NWD2: variants seen among roughly 807,000 people sequenced by gnomAD.
NWD2 encodes the protein NACHT and WD repeat domain-containing protein 2.
Under a neutral mutation model 132.7 loss-of-function variants are expected in NWD2, and 37 were observed. The observed-to-expected ratio is 0.28, with a 90% CI of 0.21 to 0.37. The LOEUF (loss-of-function observed/expected upper bound fraction) is 0.37. Among genes scored for constraint, NWD2 ranks in the 10% least tolerant of loss-of-function variants. The pLI, the probability that NWD2 is intolerant of heterozygous loss-of-function variation, is 1.00. For missense variants in NWD2, 1,592 were observed against 2,122.4 expected (o/e 0.75, Z 4.91); for synonymous variants, 705 against 803.0 (o/e 0.88, Z 2.06).
At chr4:37,324,825 T>C (rs2109287299) in intron 1 of NWD2, among the ~76,000 whole-genome samples, 1 of 152,332 alleles carries the variant, frequency 6.6e-6, no homozygotes, top group East Asian at 1.9e-4. Context: ...CTTCTCAAAA[T>C]AGGCTTGAGA....
At chr4:37,282,452 T>C (rs1240490087) in intron 1 of NWD2, among the ~76,000 whole-genome samples, 1 of 152,144 alleles carries the variant, frequency 6.6e-6, no homozygotes, top group African/African-American at 2.4e-5. Flanking sequence ...GCACAGTAAA[T>C]AGAGTTTGTA....
At chr4:37,267,199 T>C (rs1717771704) in intron 1 of NWD2, among the ~76,000 whole-genome samples, 2 of 152,080 alleles carry the variant, frequency 1.3e-5, no homozygotes, top group Non-Finnish European at 2.9e-5. Flanking sequence ...ATATTTAATG[T>C]TCATGCTAAT....
rs1317588085 is a variant in NWD2, at chr4:37,439,021, T to A, written c.927T>A (p.Ile309=). ...TCAGGGATGAATTTATTCCTACTATTGTTGCATCATCTAATCTGAGAGTGT... is the reference window on the plus strand; with the variant it reads ...TCAGGGATGAATTTATTCCTACTATAGTTGCATCATCTAATCTGAGAGTGT... ...IKLRDEFIPT[I]VASSNLRVYT... The change falls in exon 6 of 7, where the codon ATT becomes ATA. Residue 309 remains isoleucine (I), a synonymous_variant. Coordinates refer to ENST00000309447, the MANE Select transcript of NWD2 (RefSeq NM_001144990.2). The surrounding 1 kb of genome is among the most constrained non-coding windows in gnomAD (Gnocchi z 4.5). 1 of 1,551,822 alleles carries A rather than the reference T, an allele frequency of 6.4e-7. No homozygotes were observed. The highest frequency in any genetic ancestry group is 8.7e-7 in the Non-Finnish European group (1 of 1,147,012).
chr4:37,336,806 G>A (rs1719414696), intron 2 of NWD2, among the ~76,000 whole-genome samples: 1 of 151,944 alleles, frequency 6.6e-6, no homozygotes, highest in South Asian at 2.1e-4. Flanking sequence ...AGGCGTGCTG[G>A]TGGGCGCCTG....
chr4:37,297,905 T>G (rs572020390), intron 1 of NWD2, among the ~76,000 whole-genome samples: 55 of 152,032 alleles, frequency 3.6e-4, no homozygotes, highest in Non-Finnish European at 6.2e-4. Context: ...CTGAGAGGGT[T>G]TTTTCCAAGA....
At chr4:37,347,866 G>A (rs1178723749) in intron 2 of NWD2, among the ~76,000 whole-genome samples, 1 of 152,214 alleles carries the variant, frequency 6.6e-6, no homozygotes. Context: ...AAAGAATCGA[G>A]ACGAGATTAT....
At chr4:37,397,607 C>T (rs1577690256) in intron 3 of NWD2, among the ~76,000 whole-genome samples, 1 of 152,148 alleles carries the variant, frequency 6.6e-6, no homozygotes, top group Admixed American at 6.5e-5. Flanking sequence ...TAAAGTAGCT[C>T]GTTCTGGAGT....
chr4:37,311,919 G>T (rs1022781518), intron 1 of NWD2, among the ~76,000 whole-genome samples: 20 of 151,536 alleles, frequency 1.3e-4, no homozygotes, highest in Non-Finnish European at 2.5e-4. Context: ...TGTCAGGTTT[G>T]TCAAAGATCA....
intron 3 of NWD2, among the ~76,000 whole-genome samples, chr4:37,367,321 C>T (rs552817104): frequency 6.6e-6 from 1 of 151,998 alleles, no homozygotes. Flanking sequence ...GTGGATTCAG[C>T]TAATGATACA....
chr4:37,332,869 G>A (rs1719322652), intron 2 of NWD2, among the ~76,000 whole-genome samples: 1 of 152,134 alleles, frequency 6.6e-6, no homozygotes, highest in Non-Finnish European at 1.5e-5. Flanking sequence ...TGCCCTGAAG[G>A]GAGAGTCTCA....
At chr4:37,430,028 T>A (rs1712127401) in intron 3 of NWD2, among the ~76,000 whole-genome samples, 1 of 152,066 alleles carries the variant, frequency 6.6e-6, no homozygotes, top group African/African-American at 2.4e-5. Flanking sequence ...TTTTGCCAAT[T>A]TAATAGAGAG....
At chr4:37,377,633 C>G (rs879454140) in intron 3 of NWD2, among the ~76,000 whole-genome samples, 2 of 152,118 alleles carry the variant, frequency 1.3e-5, no homozygotes, top group Non-Finnish European at 2.9e-5. Flanking sequence ...ACTCAGGAGG[C>G]TGAGGCAGAA....
At chr4:37,284,324 C>T (rs1330146057) in intron 1 of NWD2, among the ~76,000 whole-genome samples, 1 of 152,212 alleles carries the variant, frequency 6.6e-6, no homozygotes. Flanking sequence ...AATTACTTCC[C>T]AAAAGCCTCT....
chr4:37,262,781 T>C (rs1482008790), intron 1 of NWD2, among the ~76,000 whole-genome samples: 1 of 152,154 alleles, frequency 6.6e-6, no homozygotes, highest in African/African-American at 2.4e-5. Flanking sequence ...TTTCTGTTCA[T>C]ATGTGGCCTG....
chr4:37,271,148 T>C (rs1323209741), intron 1 of NWD2, among the ~76,000 whole-genome samples: 1 of 151,780 alleles, frequency 6.6e-6, no homozygotes. Flanking sequence ...ACCGTAGCTT[T>C]ATAGTAAATC....
chr4:37,371,116 C>T lies in NWD2; in HGVS notation c.357+14634C>T, dbSNP rs947613237. ...TTTTTGAGACAGATTCTCAGTCTGT[C>T]GCCCAGGCTGGAGGGCAGTGGTGCA... is the stretch of plus-strand genomic sequence containing the variant. On this transcript the variant is annotated intron_variant, in intron 3 of 6. Coordinates refer to ENST00000309447, the MANE Select transcript of NWD2 (RefSeq NM_001144990.2). Among the ~76,000 whole-genome samples the T allele has an allele frequency of 7.0e-5, 8 of 115,050 alleles. No homozygotes were observed. The East Asian group carries it at 2.1e-3, about 30-fold the overall frequency. 75.5% of individuals were successfully genotyped at this position (115,050 alleles called of 152,430 possible).
chr4:37,355,207 T>G (rs1380797701), intron 2 of NWD2, among the ~76,000 whole-genome samples: 1 of 152,238 alleles, frequency 6.6e-6, no homozygotes, highest in Admixed American at 6.5e-5. Flanking sequence ...ATGTCATCTT[T>G]CTTCGTATTG....
At chr4:37,423,591 A>G (rs1711886737) in intron 3 of NWD2, among the ~76,000 whole-genome samples, 1 of 152,174 alleles carries the variant, frequency 6.6e-6, no homozygotes, top group Admixed American at 6.5e-5. Flanking sequence ...CAGAGAGAAC[A>G]AATTCTCCTT....
intron 3 of NWD2, among the ~76,000 whole-genome samples, chr4:37,403,575 T>C (rs577201981): frequency 1.4e-4 from 21 of 152,318 alleles, no homozygotes; most frequent in African/African-American, 4.8e-4. Flanking sequence ...TGCCTGCATT[T>C]TTCTTTCTCT....
Sources: allele counts gnomAD v4.1 joint callset (sites outside exome capture counted in the v4.1 genomes callset), GRCh38; gene constraint gnomAD v4.1.1; non-coding constraint Gnocchi (gnomAD v3.1); transcripts MANE v1.5; gene names NCBI Gene and HGNC (gene_info 2026-07-23, HGNC 2026-07-21).